The following FLRT1 variants were observed in gnomAD, a reference collection of about 807,000 sequenced individuals.
FLRT1 encodes fibronectin leucine rich transmembrane protein 1, also known as leucine-rich repeat transmembrane protein FLRT1.
Under a neutral mutation model 30.9 loss-of-function variants are expected in FLRT1, and 14 were observed. That is an observed-to-expected ratio of 0.45 (90% CI 0.30 to 0.71). The LOEUF is 0.71. Ranked by LOEUF, FLRT1 falls within the 30% of genes least tolerant of loss-of-function variation. The probability of loss-of-function intolerance (pLI) is 0.08; values close to 1 mark genes in which losing one functional copy is unlikely to be tolerated. For missense variants in FLRT1, 737 were observed against 949.2 expected (o/e 0.78, Z 2.94); for synonymous variants, 368 against 430.4 (o/e 0.85, Z 1.80).
chr11:64,066,676 G>A (rs1036728372), intron 1 of FLRT1, among the ~76,000 whole-genome samples: 3 of 151,622 alleles, frequency 2.0e-5, no homozygotes, highest in Non-Finnish European at 1.5e-5. Flanking sequence ...AAATAATCAC[G>A]CTCCTTCTGA....
chr11:64,095,523 G>A (rs1944560718), intron 1 of FLRT1, among the ~76,000 whole-genome samples: 2 of 152,308 alleles, frequency 1.3e-5, no homozygotes, highest in South Asian at 4.1e-4. Flanking sequence ...CTGAGTGAGA[G>A]GGCACCTGTC....
Position 64,074,181 on chromosome 11 carries a change from A to G in FLRT1, c.-1037-29013A>G, listed in dbSNP as rs1944159558. Among the ~76,000 whole-genome samples, 3 of 152,296 alleles carry G rather than the reference A, an allele frequency of 2.0e-5. No homozygotes were observed. The South Asian group carries it at 6.2e-4, about 32-fold the overall frequency. On this transcript the variant is annotated intron_variant, in intron 1 of 2. Transcript: ENST00000682287. ...CTCAGGGCAATGGTCTCCTTTTATG[A>G]TGGGGAAACCGAGGCAGAGAGAAAG...
At chr11:64,044,811 C>T (rs116051221) in intron 1 of FLRT1, among the ~76,000 whole-genome samples, 2,736 of 152,264 alleles carry the variant, frequency 0.018, 78 homozygotes, top group African/African-American at 0.062. Flanking sequence ...CTGCCCAGGA[C>T]CTCTGAGCTG....
intron 1 of FLRT1, among the ~76,000 whole-genome samples, chr11:64,092,284 G>A (rs1287307360): frequency 6.6e-6 from 1 of 152,236 alleles, no homozygotes; most frequent in Non-Finnish European, 1.5e-5. Context: ...TTCATATGGG[G>A]AGAATTAGTA....
chr11:64,098,752 C>T (rs1302928719), intron 1 of FLRT1, among the ~76,000 whole-genome samples: 1 of 152,246 alleles, frequency 6.6e-6, no homozygotes, highest in Non-Finnish European at 1.5e-5. Flanking sequence ...GATCTAAACT[C>T]TGCCCTCTTT....
chr11:64,095,260 T>C (rs1203297569), intron 1 of FLRT1, among the ~76,000 whole-genome samples: 1 of 152,228 alleles, frequency 6.6e-6, no homozygotes, highest in African/African-American at 2.4e-5. Flanking sequence ...AGGCGCACTT[T>C]AAGTTCTTTT....
chr11:64,111,475 C>T (rs946623434), intron 2 of FLRT1, among the ~76,000 whole-genome samples: 4 of 152,216 alleles, frequency 2.6e-5, no homozygotes, highest in African/African-American at 7.2e-5. Context: ...GCAGGACCTC[C>T]GGCTCCATAA....
In FLRT1 at chr11:64,090,155, C is replaced by G. The variant is rs1374343180; in HGVS notation, c.-1037-13039C>G. Among the ~76,000 whole-genome samples the G allele has an allele frequency of 6.6e-6, 1 of 152,160 alleles. No individual in the cohort carries two copies. Among genetic ancestry groups the G allele is most frequent in the African/African-American group, 2.4e-5 (1 of 41,424 alleles). ...CCACGGGGCTAGGGACTCATCTCTG[C>G]CTGTCTTCCCAGGCCCCAGGTTTCA... On this transcript the variant is annotated intron_variant, in intron 1 of 2. Coordinates refer to ENST00000682287, the MANE Select transcript of FLRT1 (RefSeq NM_013280.5). This position sits in a 1 kb window ranked among gnomAD's most constrained non-coding sequence, Gnocchi z 4.7.
At chr11:64,106,312 G>A (rs1429519953) in intron 2 of FLRT1, among the ~76,000 whole-genome samples, 1 of 152,108 alleles carries the variant, frequency 6.6e-6, no homozygotes, top group Non-Finnish European at 1.5e-5. Context: ...GGGGTGGGCT[G>A]TAGGAAGGCC....
intron 1 of FLRT1, among the ~76,000 whole-genome samples, chr11:64,038,010 C>T (rs1555011573): frequency 6.6e-6 from 1 of 152,122 alleles, no homozygotes; most frequent in Non-Finnish European, 1.5e-5. Flanking sequence ...TTCAGAGGGT[C>T]GGGGGGTCGG....
chr11:64,082,500 G>A lies in FLRT1; in HGVS notation c.-1037-20694G>A, dbSNP rs1461526307. On this transcript the variant is annotated intron_variant, in intron 1 of 2. Transcript: ENST00000682287. The surrounding 1 kb of genome is among the most constrained non-coding windows in gnomAD (Gnocchi z 4.5). ...GGCTGGGGCCAAGAGCTGGTCCCAGGGGGTGAAACAAGGCTCGGTGCCTAA... is the reference window on the plus strand; with the variant it reads ...GGCTGGGGCCAAGAGCTGGTCCCAGAGGGTGAAACAAGGCTCGGTGCCTAA... Among the ~76,000 whole-genome samples, 1 of 152,076 alleles carries A rather than the reference G, an allele frequency of 6.6e-6. No homozygotes were observed. The highest frequency in any genetic ancestry group is 2.4e-5 in the African/African-American group (1 of 41,414).
In FLRT1 at chr11:64,118,271, C is replaced by G. The variant is rs1213952925; in HGVS notation, c.2004C>G (p.Asp668Glu). The G allele has an allele frequency of 6.3e-7, 1 of 1,588,522 alleles. No homozygotes were observed. Among genetic ancestry groups the G allele is most frequent in the South Asian group, 1.1e-5 (1 of 87,760 alleles). ...TRGYRDGGIP[D>E]IDYSYT ...GCTACCGGGACGGCGGCATCCCCGA[C>G]ATAGACTACTCCTACACATGATGCC... The change falls in exon 3 of 3, where the codon GAC becomes GAG. Residue 668 changes from aspartate (D) to glutamate (E), a missense_variant. Physicochemically the swap from Asp to Glu is conservative, Grantham distance 45. Coordinates refer to ENST00000682287, the MANE Select transcript of FLRT1 (RefSeq NM_013280.5).
chr11:64,086,410 C>G (rs1565225920), intron 1 of FLRT1, among the ~76,000 whole-genome samples: 1 of 151,996 alleles, frequency 6.6e-6, no homozygotes, highest in Non-Finnish European at 1.5e-5. Context: ...TGGAACATTC[C>G]CTCCCCACCC....
chr11:64,098,976 G>A (rs866932911), intron 1 of FLRT1, among the ~76,000 whole-genome samples: 1 of 152,240 alleles, frequency 6.6e-6, no homozygotes, highest in African/African-American at 2.4e-5. Flanking sequence ...ATATCAGAGA[G>A]CTCCGATCTT....
intron 1 of FLRT1, among the ~76,000 whole-genome samples, chr11:64,039,203 G>A (rs971397550): frequency 6.6e-6 from 1 of 152,154 alleles, no homozygotes; most frequent in African/African-American, 2.4e-5. Context: ...TGGGGTGCGT[G>A]AGGCATGTGG....
intron 1 of FLRT1, among the ~76,000 whole-genome samples, chr11:64,094,699 CAGGGAG>C (rs1944547438): frequency 1.3e-5 from 2 of 152,320 alleles, no homozygotes; most frequent in African/African-American, 4.8e-5. Context: ...AAAAGTGGTT[CAGGGAG>C]GCTGACCACA....
At position 64,067,457 on chromosome 11, in the gene FLRT1, C is replaced by T. The variant is rs1016452141; in HGVS notation, c.-1038+31298C>T. On this transcript the variant is annotated intron_variant, in intron 1 of 2. Coordinates refer to ENST00000682287, the MANE Select transcript of FLRT1 (RefSeq NM_013280.5). The surrounding 1 kb of genome is among the most constrained non-coding windows in gnomAD (Gnocchi z 4.6). ...CGGCCCAGGTGACAGCCAGCACAGA[C>T]GCCCAGCTCAGATAACAGAAGGGAG... 6.6e-6 allele frequency among the ~76,000 whole-genome samples: 1 copy of T among 152,164 alleles called. No individual in the cohort carries two copies. The highest frequency in any genetic ancestry group is 1.5e-5 in the Non-Finnish European group (1 of 68,020).
intron 1 of FLRT1, among the ~76,000 whole-genome samples, chr11:64,051,833 A>C (rs1228487053): frequency 2.0e-5 from 3 of 151,496 alleles, no homozygotes; most frequent in Non-Finnish European, 4.4e-5. Flanking sequence ...CTCAAGGCCT[A>C]GCTGGGATCC....
intron 1 of FLRT1, among the ~76,000 whole-genome samples, chr11:64,061,551 G>A (rs1211283954): frequency 1.3e-5 from 2 of 152,194 alleles, no homozygotes; most frequent in Non-Finnish European, 2.9e-5. Context: ...ACCATTCAGG[G>A]TTCTGAGCAC....
Sources: allele counts gnomAD v4.1 joint callset (sites outside exome capture counted in the v4.1 genomes callset), GRCh38; gene constraint gnomAD v4.1.1; non-coding constraint Gnocchi (gnomAD v3.1); transcripts MANE v1.5; gene names NCBI Gene and HGNC (gene_info 2026-07-23, HGNC 2026-07-21).